CD48: variants seen among roughly 807,000 people sequenced by gnomAD.
CD48 encodes CD48 molecule, also known as CD48 antigen.
In CD48, 20 loss-of-function variants were observed where a neutral mutation model predicts 22.0. The ratio of observed to expected loss-of-function variants is 0.91; its 90% confidence interval spans 0.64 to 1.32. The LOEUF is 1.32. CD48 is among the 40% of genes most tolerant of loss of function. The probability of loss-of-function intolerance (pLI) is 0.00; values close to 1 mark genes in which losing one functional copy is unlikely to be tolerated. For missense variants in CD48, 307 were observed against 286.5 expected (o/e 1.07, Z -0.52); for synonymous variants, 110 against 110.1 (o/e 1.00, Z 0.01).
rs368792716 is a variant in CD48, at chr1:160,687,270, C to T, written c.83-2081G>A. Reference sequence around the variant, plus strand: ...TCCTAAACATTGCTGTTATCTTGTTCTTTTTTCAAGGTGCCCAGATTTCAT... The same window carrying T: ...TCCTAAACATTGCTGTTATCTTGTTTTTTTTTCAAGGTGCCCAGATTTCAT... On this transcript the variant is annotated intron_variant, in intron 1 of 3. Transcript: ENST00000368046. Among the ~76,000 whole-genome samples, 437 of 80,688 alleles carry T rather than the reference C, an allele frequency of 5.4e-3. 4 individuals carry two copies. The highest frequency in any genetic ancestry group is 0.014 in the African/African-American group (417 of 30,484). 52.9% of individuals were successfully genotyped at this position (80,688 alleles called of 152,430 possible).
Position 160,678,790 on chromosome 1 carries a change from A to G in CD48, c.*262T>C. 3.1e-6 allele frequency: 1 copy of G among 325,250 alleles called. No individual in the cohort carries two copies. Among genetic ancestry groups the G allele is most frequent in the East Asian group, 5.3e-5 (1 of 18,870 alleles). 20.1% of individuals were successfully genotyped at this position (325,250 alleles called of 1,614,324 possible). On this transcript the variant is annotated 3_prime_UTR_variant, in exon 4 of 4. Transcript: ENST00000368046. ...TATCAAATGTTTATTTTAAAAAATAATAAAACATTCACATAATGTTGTCAC... is the reference window on the plus strand; with the variant it reads ...TATCAAATGTTTATTTTAAAAAATAGTAAAACATTCACATAATGTTGTCAC...
chr1:160,708,203 A>G (rs1254827393), intron 1 of CD48, among the ~76,000 whole-genome samples: 1 of 152,190 alleles, frequency 6.6e-6, no homozygotes, highest in Non-Finnish European at 1.5e-5. Flanking sequence ...GCCCAGAAAC[A>G]CAAAAATGAA....
rs2102406917 is a variant in CD48, at chr1:160,684,952, T to A, written c.320A>T (p.Tyr107Phe). The change falls in exon 2 of 4, where the codon TAC becomes TTC. Residue 107 changes from tyrosine to phenylalanine, a missense_variant. Physicochemically the swap from Tyr to Phe is conservative, Grantham distance 22 (BLOSUM62 3). Coordinates refer to ENST00000368046, the MANE Select transcript of CD48 (RefSeq NM_001778.4). ...SKVQKEDNST[Y>F]IMRVLKKTGN... is the part of the protein sequence containing the mutation. ...AGTCTTTTTCAACACCCTCATGATG[T>A]AGGTGCTGTTGTCCTCTTTCTGGAC... 1.9e-6 allele frequency: 3 copies of A among 1,614,174 alleles called. No individual in the cohort carries two copies. The East Asian group carries it at 6.7e-5, about 36-fold the overall frequency.
At chr1:160,701,256 T>G (rs1051456440) in intron 1 of CD48, among the ~76,000 whole-genome samples, 1 of 85,096 alleles carries the variant, frequency 1.2e-5, no homozygotes, top group African/African-American at 4.3e-5. Context: ...CCCATAGGTT[T>G]AATTACAGCA....
rs903062965 is a variant in CD48, at chr1:160,702,368, T to C, written c.82+9314A>G. On this transcript the variant is annotated intron_variant, in intron 1 of 3. Coordinates refer to ENST00000368046, the MANE Select transcript of CD48 (RefSeq NM_001778.4). ...CCTATTTGGTTTGGTTGTAGGTAGA[T>C]TTGTTTGTGCTGGGGGTTGCACTGG... Among the ~76,000 whole-genome samples the C allele has an allele frequency of 4.6e-5, 7 of 152,030 alleles. No individual in the cohort carries two copies. The South Asian group carries it at 1.2e-3, about 27-fold the overall frequency.
chr1:160,688,102 A>C (rs1662066910), intron 1 of CD48, among the ~76,000 whole-genome samples: 1 of 152,204 alleles, frequency 6.6e-6, no homozygotes, highest in Non-Finnish European at 1.5e-5. Context: ...TAAATCATTA[A>C]TTTGACTTGC....
intron 2 of CD48, among the ~76,000 whole-genome samples, chr1:160,681,851 C>T (rs916409395): frequency 7.2e-5 from 11 of 152,286 alleles, no homozygotes; most frequent in South Asian, 2.1e-4. Context: ...CGGTTCATGG[C>T]GGGCACCTTG....
chr1:160,707,900 G>A (rs929965604), intron 1 of CD48, among the ~76,000 whole-genome samples: 1 of 152,108 alleles, frequency 6.6e-6, no homozygotes, highest in African/African-American at 2.4e-5. Context: ...TATGCAGTAA[G>A]CAGTTACTAT....
chr1:160,691,388 A>G (rs539857826), intron 1 of CD48, among the ~76,000 whole-genome samples: 6 of 152,350 alleles, frequency 3.9e-5, no homozygotes, highest in Admixed American at 1.3e-4. Flanking sequence ...TGGGACATGC[A>G]GGCAGCAATA....
intron 1 of CD48, among the ~76,000 whole-genome samples, chr1:160,708,714 G>A (rs1410805905): frequency 6.6e-6 from 1 of 152,104 alleles, no homozygotes; most frequent in Non-Finnish European, 1.5e-5. Flanking sequence ...TAGGTTTGGG[G>A]GAAGAAGGAT....
intron 3 of CD48, among the ~76,000 whole-genome samples, chr1:160,679,378 G>A (rs988910514): frequency 1.3e-5 from 2 of 152,124 alleles, no homozygotes; most frequent in Admixed American, 6.5e-5. Flanking sequence ...AGGTTACCTC[G>A]ACATATCTGT....
chr1:160,683,183 T>TA (rs1661868729), intron 2 of CD48, among the ~76,000 whole-genome samples: 1 of 152,234 alleles, frequency 6.6e-6, no homozygotes, highest in Non-Finnish European at 1.5e-5. Flanking sequence ...CCTCATATCT[T>TA]ACACTCCTTC....
At chr1:160,707,141 G>A (rs1169108674) in intron 1 of CD48, among the ~76,000 whole-genome samples, 1 of 152,156 alleles carries the variant, frequency 6.6e-6, no homozygotes, top group Non-Finnish European at 1.5e-5. Context: ...GTCTTGGTGA[G>A]AAGCTGAGCA....
At chr1:160,684,776 A>G (rs982084809) in intron 2 of CD48, 111 bp downstream of exon 2, 5 of 1,612,354 alleles carry the variant, frequency 3.1e-6, no homozygotes, top group African/African-American at 1.3e-5. Flanking sequence ...ACCTGTCCTG[A>G]GGTTTTTCTC....
chr1:160,689,431 T>C (rs968087750), intron 1 of CD48, among the ~76,000 whole-genome samples: 8 of 152,094 alleles, frequency 5.3e-5, no homozygotes, highest in Non-Finnish European at 1.0e-4. Flanking sequence ...AGGAAACTGG[T>C]GAGACAGAAA....
At chr1:160,689,212 G>T (rs352696) in intron 1 of CD48, among the ~76,000 whole-genome samples, 75,031 of 151,814 alleles carry the variant, frequency 0.49, 19,093 homozygotes, top group East Asian at 0.73. Flanking sequence ...ACAGAGGGGG[G>T]TATTTATAAT....
At chr1:160,705,537 C>T (rs1055287563) in intron 1 of CD48, among the ~76,000 whole-genome samples, 38 of 152,156 alleles carry the variant, frequency 2.5e-4, no homozygotes, top group African/African-American at 8.7e-4. Context: ...ATACAGTCAT[C>T]GCACAACCAC....
intron 1 of CD48, chr1:160,691,914 TAA>T (rs1408383108): frequency 3.5e-6 from 1 of 289,146 alleles, no homozygotes; most frequent in East Asian, 5.4e-5. Flanking sequence ...AAACTAAAAC[TAA>T]AAGTAAATAT....
chr1:160,684,665 A>G (rs1354210343), intron 2 of CD48: 6 of 1,384,480 alleles, frequency 4.3e-6, no homozygotes, highest in African/African-American at 2.9e-5. Context: ...TAGACTCACT[A>G]ACTTCAGAAG....
Sources: gnomAD v4.1 joint callset for allele counts (sites outside exome capture counted in the v4.1 genomes callset) on GRCh38, gnomAD v4.1.1 for gene constraint, MANE v1.5 for transcripts, NCBI Gene and HGNC (gene_info 2026-07-23, HGNC 2026-07-21) for gene names.